Variants in ZBTB20 observed in about 807,000 individuals in gnomAD.
The protein encoded by ZBTB20 is zinc finger and BTB domain-containing protein 20.
ZBTB20 carries 9 observed loss-of-function variants against 56.9 expected under a neutral mutation model. That is an observed-to-expected ratio of 0.16 (90% CI 0.10 to 0.28). The LOEUF is 0.28. Ranked by LOEUF, ZBTB20 falls within the 10% of genes least tolerant of loss-of-function variation. ZBTB20 has a pLI of 1.00. For synonymous variants in ZBTB20, 417 were observed against 420.7 expected, an observed-to-expected ratio of 0.99 and a Z score of 0.11; for missense variants, 655 against 1,003.0, an observed-to-expected ratio of 0.65 and a Z score of 4.69.
chr3:114,725,859 C>A (rs933091633), intron 5 of ZBTB20, among the ~76,000 whole-genome samples: 2 of 152,090 alleles, frequency 1.3e-5, no homozygotes, highest in Non-Finnish European at 2.9e-5. Context: ...AGGCTAGTGG[C>A]CAAGTGTAAG....
intron 6 of ZBTB20, among the ~76,000 whole-genome samples, chr3:114,508,037 G>T (rs1159063194): frequency 6.6e-6 from 1 of 152,008 alleles, no homozygotes; most frequent in African/African-American, 2.4e-5. Context: ...TAAGAAATTT[G>T]CTGAATATTT....
At chr3:114,957,346 G>A (rs1307278809) in intron 3 of ZBTB20, among the ~76,000 whole-genome samples, 2 of 152,154 alleles carry the variant, frequency 1.3e-5, no homozygotes, top group Non-Finnish European at 2.9e-5. Flanking sequence ...AGTAGGATAG[G>A]ATGGGATGGG....
intron 5 of ZBTB20, chr3:114,792,077 T>A (rs1392243141): frequency 6.6e-6 from 1 of 152,202 alleles, no homozygotes; most frequent in Non-Finnish European, 1.5e-5. Context: ...AGAAATTTAC[T>A]GTTTCAAAGA....
intron 6 of ZBTB20, among the ~76,000 whole-genome samples, chr3:114,627,021 A>G (rs1011910423): frequency 3.9e-5 from 6 of 152,152 alleles, no homozygotes; most frequent in South Asian, 4.1e-4. Context: ...CAATCTCTTC[A>G]TGGAATAGTG....
chr3:115,114,099 G>T (rs2083955210), intron 1 of ZBTB20, among the ~76,000 whole-genome samples: 1 of 151,966 alleles, frequency 6.6e-6, no homozygotes, highest in Non-Finnish European at 1.5e-5. Flanking sequence ...TCTAAATTTG[G>T]GGCTCTGTTT....
At chr3:114,365,184 T>C (rs936612710) in intron 10 of ZBTB20, among the ~76,000 whole-genome samples, 1 of 152,188 alleles carries the variant, frequency 6.6e-6, no homozygotes, top group African/African-American at 2.4e-5. Context: ...AAGCTGAGTA[T>C]ACATAAAATA....
intron 3 of ZBTB20, among the ~76,000 whole-genome samples, chr3:114,973,682 T>A (rs2077980904): frequency 6.6e-6 from 1 of 152,166 alleles, no homozygotes; most frequent in Non-Finnish European, 1.5e-5. Context: ...CCCTCCAATG[T>A]AATCTGTGAT....
intron 10 of ZBTB20, among the ~76,000 whole-genome samples, chr3:114,355,128 A>C (rs1188789623): frequency 1.3e-5 from 2 of 152,208 alleles, no homozygotes; most frequent in East Asian, 1.9e-4. Context: ...GTAATGATGA[A>C]GGTTGCTTTA....
At chr3:114,929,971 T>C (rs2076296092) in intron 3 of ZBTB20, among the ~76,000 whole-genome samples, 2 of 152,332 alleles carry the variant, frequency 1.3e-5, no homozygotes, top group African/African-American at 2.4e-5. Flanking sequence ...CTCTAATCAT[T>C]TGAATATCAG....
At chr3:114,716,728 T>G (rs2064505545) in intron 5 of ZBTB20, among the ~76,000 whole-genome samples, 1 of 152,144 alleles carries the variant, frequency 6.6e-6, no homozygotes, top group Non-Finnish European at 1.5e-5. Flanking sequence ...AAATGCAATT[T>G]TACTAGTCTG....
At position 114,425,353 on chromosome 3, in the gene ZBTB20, C is replaced by T. The variant is rs2089554405; in HGVS notation, c.-254-36248G>A. Among the ~76,000 whole-genome samples the T allele has an allele frequency of 3.9e-5, 6 of 152,256 alleles. No homozygotes were observed. In the South Asian group the frequency reaches 1.2e-3, roughly 32 times the overall value. ...CAGAGGTGAAGGGGCACTTGAAGTC[C>T]TATTTCTTCTACACGTTGTCTCTGC... On this transcript the variant is annotated intron_variant, in intron 7 of 11. Coordinates refer to ENST00000675478, the MANE Select transcript of ZBTB20 (RefSeq NM_001348800.3).
At chr3:115,003,471 T>C (rs1335152442) in intron 2 of ZBTB20, among the ~76,000 whole-genome samples, 1 of 151,620 alleles carries the variant, frequency 6.6e-6, no homozygotes, top group East Asian at 1.9e-4. Flanking sequence ...GCTACAATAA[T>C]TAAAGGCTAT....
chr3:114,771,599 G>C (rs2069204856), intron 5 of ZBTB20, among the ~76,000 whole-genome samples: 1 of 152,100 alleles, frequency 6.6e-6, no homozygotes, highest in South Asian at 2.1e-4. Context: ...TTAAGGAAAT[G>C]ATATAATAGA....
At chr3:114,884,391 A>ACTTCCTTGTGC (rs1187073224) in intron 4 of ZBTB20, among the ~76,000 whole-genome samples, 1 of 152,196 alleles carries the variant, frequency 6.6e-6, no homozygotes, top group South Asian at 2.1e-4. Context: ...GTGTTTTTCA[A>ACTTCCTTGTGC]ATGTTCACAG....
intron 5 of ZBTB20, among the ~76,000 whole-genome samples, chr3:114,734,065 G>C (rs1051691649): frequency 2.0e-5 from 3 of 152,034 alleles, no homozygotes; most frequent in Admixed American, 6.6e-5. Context: ...AGAAAAGATA[G>C]TTATTTCCTA....
At chr3:114,586,288 G>A (rs535007745) in intron 6 of ZBTB20, among the ~76,000 whole-genome samples, 9 of 152,332 alleles carry the variant, frequency 5.9e-5, no homozygotes, top group African/African-American at 2.2e-4. Flanking sequence ...ATAGCTTGGA[G>A]CATCAAAAAT....
At chr3:114,727,978 G>GA (rs1000056814) in intron 5 of ZBTB20, among the ~76,000 whole-genome samples, 15 of 150,638 alleles carry the variant, frequency 1.0e-4, no homozygotes, top group Admixed American at 2.6e-4. Flanking sequence ...AATAATACAG[G>GA]AAAAAAAAAT....
chr3:114,953,177 T>C lies in ZBTB20; in HGVS notation c.-456+21189A>G, dbSNP rs558939565. Among the ~76,000 whole-genome samples the C allele has an allele frequency of 6.6e-5, 10 of 152,134 alleles. No homozygotes were observed. The South Asian group carries it at 2.1e-3, about 32-fold the overall frequency. On this transcript the variant is annotated intron_variant, in intron 3 of 11. Transcript: ENST00000675478. ...TAAGAAGAGTATAAAAAGATATGTA[T>C]ATTGAACAACTTTAGAACAACCTCT...
intron 4 of ZBTB20, among the ~76,000 whole-genome samples, chr3:114,823,885 G>T (rs922935514): frequency 2.0e-5 from 3 of 151,850 alleles, no homozygotes; most frequent in African/African-American, 7.3e-5. Flanking sequence ...TAATGCACTA[G>T]TATTTTTGCC....
Sources: gnomAD v4.1 joint callset for allele counts (sites outside exome capture counted in the v4.1 genomes callset) on GRCh38, gnomAD v4.1.1 for gene constraint, MANE v1.5 for transcripts, NCBI Gene and HGNC (gene_info 2026-07-23, HGNC 2026-07-21) for gene names.